Variants in EYS observed in about 807,000 individuals in gnomAD.
The protein encoded by EYS is protein eyes shut homolog.
In EYS, 250 loss-of-function variants were observed where a neutral mutation model predicts 282.1. That is an observed-to-expected ratio of 0.89 (90% confidence interval 0.80 to 0.98). EYS has a LOEUF of 0.98. Among genes scored for constraint, EYS ranks in the 50% least tolerant of loss-of-function variants. The probability of loss-of-function intolerance (pLI) is 0.00; values close to 1 mark genes in which losing one functional copy is unlikely to be tolerated. For missense variants in EYS, 4,016 were observed against 3,709.0 expected, an observed-to-expected ratio of 1.08 and a Z score of -2.15; for synonymous variants, 1,355 against 1,282.9, an observed-to-expected ratio of 1.06 and a Z score of -1.20.
chr6:65,250,426 G>A (rs1767291698), intron 12 of EYS, among the ~76,000 whole-genome samples: 1 of 151,866 alleles, frequency 6.6e-6, no homozygotes, highest in African/African-American at 2.4e-5. Flanking sequence ...TATTTATGAG[G>A]CAGCTCCTGT....
intron 31 of EYS, among the ~76,000 whole-genome samples, chr6:64,105,395 C>T (rs944935188): frequency 1.3e-5 from 2 of 152,080 alleles, no homozygotes; most frequent in African/African-American, 4.8e-5. Flanking sequence ...ACAACCTTCT[C>T]CACTAATGAC....
intron 12 of EYS, among the ~76,000 whole-genome samples, chr6:65,229,596 C>A (rs1014351932): frequency 2.6e-5 from 4 of 151,542 alleles, no homozygotes; most frequent in Admixed American, 2.6e-4. Flanking sequence ...TAAGAGAAGA[C>A]AAGAGTGCAG....
intron 31 of EYS, among the ~76,000 whole-genome samples, chr6:64,194,237 C>T (rs1432926310): frequency 6.6e-6 from 1 of 152,072 alleles, no homozygotes; most frequent in Non-Finnish European, 1.5e-5. Context: ...AACACACATA[C>T]CTTGTTCTTT....
intron 2 of EYS, among the ~76,000 whole-genome samples, chr6:65,601,007 TATCA>T (rs1327398352): frequency 6.6e-6 from 1 of 152,010 alleles, no homozygotes; most frequent in Non-Finnish European, 1.5e-5. Flanking sequence ...CTTTTAAAAC[TATCA>T]TTTATGTATC....
intron 28 of EYS, among the ~76,000 whole-genome samples, chr6:64,403,615 C>G (rs747618146): frequency 6.6e-6 from 1 of 152,132 alleles, no homozygotes; most frequent in Non-Finnish European, 1.5e-5. Flanking sequence ...CCTCAGCTTC[C>G]CAAAGTGCTG....
At chr6:65,030,029 G>A (rs1432389338) in intron 13 of EYS, among the ~76,000 whole-genome samples, 1 of 152,158 alleles carries the variant, frequency 6.6e-6, no homozygotes, top group Non-Finnish European at 1.5e-5. Context: ...GTTTAGAGAG[G>A]TCAGACCTCC....
At chr6:64,814,496 A>T (rs1764689647) in intron 21 of EYS, among the ~76,000 whole-genome samples, 1 of 152,030 alleles carries the variant, frequency 6.6e-6, no homozygotes, top group African/African-American at 2.4e-5. Context: ...ATCTTTTGGC[A>T]CTTAATTTGA....
chr6:65,375,062 T>A (rs942347561), intron 8 of EYS, among the ~76,000 whole-genome samples: 2 of 152,072 alleles, frequency 1.3e-5, no homozygotes, highest in Non-Finnish European at 2.9e-5. Flanking sequence ...TCAAGTGGGT[T>A]CCCTGACCCC....
chr6:63,899,938 G>T (rs1473953795), intron 35 of EYS, among the ~76,000 whole-genome samples: 1 of 152,146 alleles, frequency 6.6e-6, no homozygotes, highest in African/African-American at 2.4e-5. Context: ...GTTAATTTTG[G>T]CTGAAATCTA....
chr6:64,760,560 T>C (rs1437855021), intron 22 of EYS, among the ~76,000 whole-genome samples: 1 of 152,138 alleles, frequency 6.6e-6, no homozygotes, highest in Admixed American at 6.5e-5. Context: ...CTATGAGAAA[T>C]GACATGAGCC....
At chr6:65,578,996 T>C (rs1040865826) in intron 2 of EYS, among the ~76,000 whole-genome samples, 2 of 152,108 alleles carry the variant, frequency 1.3e-5, no homozygotes, top group Non-Finnish European at 2.9e-5. Flanking sequence ...TCCAAAGCTG[T>C]GTAAGAATAA....
At chr6:64,756,327 A>C (rs1474609253) in intron 22 of EYS, among the ~76,000 whole-genome samples, 1 of 152,204 alleles carries the variant, frequency 6.6e-6, no homozygotes, top group Non-Finnish European at 1.5e-5. Flanking sequence ...ATTTAATGTA[A>C]GTTTGTAGGC....
chr6:65,416,054 AT>A (rs1767220092), intron 5 of EYS, among the ~76,000 whole-genome samples: 1 of 151,998 alleles, frequency 6.6e-6, no homozygotes, highest in South Asian at 2.1e-4. Context: ...GACACACCAT[AT>A]AATTTAATTG....
At chr6:64,935,460 A>G (rs1768876348) in intron 15 of EYS, among the ~76,000 whole-genome samples, 1 of 151,770 alleles carries the variant, frequency 6.6e-6, no homozygotes. Flanking sequence ...GAAGGAGAAC[A>G]TAATGAAAAT....
chr6:64,251,568 C>G (rs977282293), intron 30 of EYS, among the ~76,000 whole-genome samples: 1 of 152,118 alleles, frequency 6.6e-6, no homozygotes, highest in African/African-American at 2.4e-5. Context: ...TACTTCTCTT[C>G]TATTAAATAA....
chr6:64,301,787 T>G (rs1308221367), intron 30 of EYS, among the ~76,000 whole-genome samples: 1 of 152,200 alleles, frequency 6.6e-6, no homozygotes, highest in African/African-American at 2.4e-5. Flanking sequence ...CCCCCATACC[T>G]AACGCTTTAA....
At chr6:64,500,685 T>C (rs1017019365) in intron 26 of EYS, among the ~76,000 whole-genome samples, 1 of 152,114 alleles carries the variant, frequency 6.6e-6, no homozygotes, top group African/African-American at 2.4e-5. Context: ...AGAAAGGAAT[T>C]AGTGGAAGAT....
chr6:65,035,642 C>A (rs1311427301), intron 13 of EYS, among the ~76,000 whole-genome samples: 2 of 151,776 alleles, frequency 1.3e-5, no homozygotes, highest in South Asian at 4.1e-4. Context: ...AAAATTTCTA[C>A]AATGAGAATT....
intron 22 of EYS, among the ~76,000 whole-genome samples, chr6:64,793,963 A>G (rs183879982): frequency 1.3e-5 from 2 of 152,298 alleles, no homozygotes; most frequent in East Asian, 3.9e-4. Context: ...TGCATAACAA[A>G]AACTTTATTC....
Sources: gnomAD v4.1 joint callset for allele counts (sites outside exome capture counted in the v4.1 genomes callset) on GRCh38, gnomAD v4.1.1 for gene constraint, MANE v1.5 for transcripts, NCBI Gene and HGNC (gene_info 2026-07-23, HGNC 2026-07-21) for gene names.